AAK1: variants seen among roughly 807,000 people sequenced by gnomAD.
The protein encoded by AAK1 is AP2-associated protein kinase 1.
In AAK1, 37 loss-of-function variants were observed where a neutral mutation model predicts 116.0. The ratio of observed to expected loss-of-function variants is 0.32; its 90% CI spans 0.25 to 0.42. The LOEUF is 0.42. AAK1 is among the 10% of genes least tolerant of loss of function. The pLI is 1.00. For synonymous variants in AAK1, 458 were observed against 439.9 expected (o/e 1.04, Z -0.51); for missense variants, 919 against 1,170.6 (o/e 0.79, Z 3.14).
At chr2:69,536,819 C>T (rs190314332) in intron 5 of AAK1, among the ~76,000 whole-genome samples, 1 of 152,266 alleles carries the variant, frequency 6.6e-6, no homozygotes, top group African/African-American at 2.4e-5. Context: ...ATTGCCACTG[C>T]AAAATTTGAA....
At position 69,530,666 on chromosome 2, in the gene AAK1, G is replaced by A. The variant is rs746954308; in HGVS notation, c.697C>T (p.Leu233=). 3.1e-6 allele frequency: 5 copies of A among 1,613,790 alleles called. No individual in the cohort carries two copies. Among genetic ancestry groups the A allele is most frequent in the South Asian group, 1.1e-5 (1 of 91,078 alleles). ...GTAGTGATGATTTTGCCACTGTACAGGTTGACCATTTCTGGTGCTCGATAG... is the reference window on the plus strand; with the variant it reads ...GTAGTGATGATTTTGCCACTGTACAAGTTGACCATTTCTGGTGCTCGATAG... The part of the protein sequence containing the change: ...LSYRAPEMVN[L]YSGKIITTKA... Residue 233 remains leucine (L), a synonymous_variant, in exon 7 of 22, where the codon CTG becomes TTG. Coordinates refer to ENST00000409085, the MANE Select transcript of AAK1 (RefSeq NM_014911.5).
chr2:69,521,925 T>C (rs765818298), intron 10 of AAK1, among the ~76,000 whole-genome samples: 2 of 152,266 alleles, frequency 1.3e-5, no homozygotes, highest in African/African-American at 2.4e-5. Context: ...AGAACTGCCA[T>C]GCTGGCCTTG....
chr2:69,472,385 C>T lies in AAK1; in HGVS notation c.*3484G>A, dbSNP rs141577597. On this transcript the variant is annotated 3_prime_UTR_variant, in exon 22 of 22. Coordinates refer to ENST00000409085, the MANE Select transcript of AAK1 (RefSeq NM_014911.5). Reference sequence around the variant, plus strand: ...AATAATATAGCTGATTTTCTTATACCTTATTACCTTCCTTGATATTATTTC... The same window carrying T: ...AATAATATAGCTGATTTTCTTATACTTTATTACCTTCCTTGATATTATTTC... 191 of 227,396 alleles carry T rather than the reference C, an allele frequency of 8.4e-4. No individual in the cohort carries two copies. Among genetic ancestry groups the T allele is most frequent in the African/African-American group, 4.1e-3 (177 of 42,866 alleles). The allele number at this position is 227,396 out of a possible 1,614,324, so 14.1% of individuals were successfully genotyped here.
At chr2:69,542,992 G>A (rs1312012619) in intron 4 of AAK1, among the ~76,000 whole-genome samples, 1 of 152,194 alleles carries the variant, frequency 6.6e-6, no homozygotes, top group Non-Finnish European at 1.5e-5. Context: ...TGTGTTCGTT[G>A]TGTATGAGAC....
chr2:69,633,359 T>G (rs1372125560), intron 2 of AAK1, among the ~76,000 whole-genome samples: 1 of 151,850 alleles, frequency 6.6e-6, no homozygotes, highest in Non-Finnish European at 1.5e-5. Context: ...TCCCAGCACT[T>G]TGGGAGGCCA....
At chr2:69,538,775 G>A (rs1287693449) in intron 5 of AAK1, among the ~76,000 whole-genome samples, 2 of 152,114 alleles carry the variant, frequency 1.3e-5, no homozygotes, top group African/African-American at 2.4e-5. Context: ...CCAGCTACTC[G>A]GGAGGCTGAG....
At chr2:69,545,690 T>C (rs181643334) in intron 3 of AAK1, among the ~76,000 whole-genome samples, 3 of 152,306 alleles carry the variant, frequency 2.0e-5, no homozygotes, top group Admixed American at 2.0e-4. Context: ...CTCTGAGTGA[T>C]GGATTGTGAA....
chr2:69,556,147 A>T (rs1306711257), intron 3 of AAK1, among the ~76,000 whole-genome samples: 1 of 152,214 alleles, frequency 6.6e-6, no homozygotes, highest in East Asian at 1.9e-4. Context: ...AAGGTGTTCA[A>T]TTGAGTTCTG....
Position 69,510,015 on chromosome 2 carries a change from T to C in AAK1, c.1777-555A>G, listed in dbSNP as rs533853487. Among the ~76,000 whole-genome samples, 27 of 152,346 alleles carry C rather than the reference T, an allele frequency of 1.8e-4. 1 individual carries two copies. In the South Asian group the frequency reaches 5.2e-3, roughly 29 times the overall value. ...TGAGTCAGAGAAAATTCTACTGTGA[T>C]TAATAAATGTTACTGCTCGTTTGTT... is the stretch of plus-strand genomic sequence containing the variant. On this transcript the variant is annotated intron_variant, in intron 13 of 21. Coordinates refer to ENST00000409085, the MANE Select transcript of AAK1 (RefSeq NM_014911.5).
rs188998159 is a variant in AAK1, at chr2:69,639,522, T to C, written c.163+3356A>G. On this transcript the variant is annotated intron_variant, in intron 2 of 21. Transcript: ENST00000409085. ...TTCACTTCCCCCAAACAGCCCCTGC[T>C]GGACTAGTTAGTGAAACCAGGCCAG... Among the ~76,000 whole-genome samples the C allele has an allele frequency of 6.6e-5, 10 of 152,338 alleles. No homozygotes were observed. In the East Asian group the frequency reaches 1.5e-3, roughly 23 times the overall value.
chr2:69,627,947 C>T (rs1255274143), intron 2 of AAK1, among the ~76,000 whole-genome samples: 3 of 152,204 alleles, frequency 2.0e-5, no homozygotes, highest in Non-Finnish European at 4.4e-5. Context: ...ATTATCTACC[C>T]AGTCACTTAA....
chr2:69,556,345 A>G (rs970496529), intron 3 of AAK1, among the ~76,000 whole-genome samples: 18 of 152,178 alleles, frequency 1.2e-4, no homozygotes, highest in Non-Finnish European at 1.9e-4. Context: ...AGTATATATG[A>G]GGTTTCTAGG....
At position 69,643,721 on chromosome 2, in the gene AAK1, G is replaced by A. The variant is rs1487048164; in HGVS notation, c.-381C>T. The A allele has an allele frequency of 3.3e-6, 4 of 1,212,266 alleles. No individual in the cohort carries two copies. The highest frequency in any genetic ancestry group is 3.1e-5 in the African/African-American group (2 of 63,498). The allele number at this position is 1,212,266 out of a possible 1,614,324, so 75.1% of individuals were successfully genotyped here. A position where few individuals can be genotyped will look rare whatever the true frequency, so the allele number is the denominator to read the frequency against. On this transcript the variant is annotated 5_prime_UTR_variant, in exon 1 of 22. Coordinates refer to ENST00000409085, the MANE Select transcript of AAK1 (RefSeq NM_014911.5). ...CCCGCCCGCCCGCCAGCTGATCCCG[G>A]GAGCGCCGGGCGGAGACTGACCCGC...
At chr2:69,632,029 A>G (rs963816159) in intron 2 of AAK1, among the ~76,000 whole-genome samples, 14 of 152,288 alleles carry the variant, frequency 9.2e-5, no homozygotes, top group Admixed American at 9.1e-4. Flanking sequence ...ATAATAATAA[A>G]AACAAAAAAG....
intron 21 of AAK1, among the ~76,000 whole-genome samples, chr2:69,476,640 A>G (rs370487412): frequency 1.7e-4 from 26 of 152,322 alleles, no homozygotes; most frequent in African/African-American, 6.0e-4. Flanking sequence ...TTTTGGCTTC[A>G]TGGTAAAAAC....
At chr2:69,484,313 C>T (rs1675205078) in intron 17 of AAK1, among the ~76,000 whole-genome samples, 1 of 152,130 alleles carries the variant, frequency 6.6e-6, no homozygotes, top group South Asian at 2.1e-4. Context: ...TGTAACTACA[C>T]AGGTCAAACA....
chr2:69,624,471 A>AT (rs200427249), intron 2 of AAK1, among the ~76,000 whole-genome samples: 3,833 of 152,292 alleles, frequency 0.025, 85 homozygotes, highest in Non-Finnish European at 0.038. Context: ...ATATATTCTT[A>AT]TTTTTGCAAA....
At chr2:69,506,868 CTGTGTG>C (rs10531990) in intron 15 of AAK1, among the ~76,000 whole-genome samples, 60 of 149,114 alleles carry the variant, frequency 4.0e-4, no homozygotes, top group Middle Eastern at 3.6e-3. Flanking sequence ...GTGCATGTGC[CTGTGTG>C]TGTGTGTGTG....
chr2:69,583,656 T>C (rs567580426), intron 2 of AAK1, among the ~76,000 whole-genome samples: 2 of 152,242 alleles, frequency 1.3e-5, no homozygotes, highest in African/African-American at 4.8e-5. Flanking sequence ...ATTAGAGCTA[T>C]ACCCTTAGTG....
Sources: allele counts gnomAD v4.1 joint callset (sites outside exome capture counted in the v4.1 genomes callset), GRCh38; gene constraint gnomAD v4.1.1; transcripts MANE v1.5; gene names NCBI Gene and HGNC (gene_info 2026-07-23, HGNC 2026-07-21).